Variants in SCAPER observed in about 807,000 individuals in gnomAD.
SCAPER encodes the protein S phase cyclin A-associated protein in the endoplasmic reticulum.
SCAPER carries 98 observed loss-of-function variants against 182.2 expected under a neutral mutation model. That is an observed-to-expected ratio of 0.54 (90% CI 0.46 to 0.64). The LOEUF is 0.64. Ranked by LOEUF, SCAPER falls within the 30% of genes least tolerant of loss-of-function variation. The pLI, the probability that SCAPER is intolerant of heterozygous loss-of-function variation, is 0.00. For missense variants in SCAPER, 1,432 were observed against 1,690.0 expected, an observed-to-expected ratio of 0.85 and a Z score of 2.68; for synonymous variants, 605 against 564.6, an observed-to-expected ratio of 1.07 and a Z score of -1.01.
chr15:76,468,896 T>G (rs1380663255), intron 25 of SCAPER, among the ~76,000 whole-genome samples: 1 of 152,130 alleles, frequency 6.6e-6, no homozygotes, highest in Non-Finnish European at 1.5e-5. Flanking sequence ...TTGCACTCTT[T>G]TCACCATCTG....
intron 26 of SCAPER, among the ~76,000 whole-genome samples, 155 bp from the exon 27 acceptor site, chr15:76,404,834 G>A (rs1187093539): frequency 6.6e-6 from 1 of 152,090 alleles, no homozygotes. Flanking sequence ...AATTTCCTTA[G>A]ATTTACTCCT....
chr15:76,510,018 G>A (rs2041894681), intron 23 of SCAPER, among the ~76,000 whole-genome samples: 1 of 152,168 alleles, frequency 6.6e-6, no homozygotes, highest in Non-Finnish European at 1.5e-5. Flanking sequence ...TAATTGGCAA[G>A]CCACATGTAG....
intron 21 of SCAPER, 40 bp downstream of exon 21, chr15:76,665,613 C>G: frequency 6.5e-7 from 1 of 1,541,678 alleles, no homozygotes; most frequent in Non-Finnish European, 8.7e-7. Flanking sequence ...AGATACATCA[C>G]TAAAAGTTTT....
intron 27 of SCAPER, among the ~76,000 whole-genome samples, chr15:76,386,465 C>A (rs1236467666): frequency 6.6e-6 from 1 of 152,128 alleles, no homozygotes; most frequent in Non-Finnish European, 1.5e-5. Flanking sequence ...ATAAAGCTTA[C>A]ATTTTAGTGC....
chr15:76,692,630 A>T (rs190683954), intron 20 of SCAPER, among the ~76,000 whole-genome samples: 1 of 148,080 alleles, frequency 6.8e-6, no homozygotes, highest in East Asian at 2.2e-4. Context: ...CAGAGGTTGC[A>T]GTGAGCCAAG....
chr15:76,499,037 A>G (rs1326550967), intron 24 of SCAPER, among the ~76,000 whole-genome samples: 1 of 152,174 alleles, frequency 6.6e-6, no homozygotes, highest in Non-Finnish European at 1.5e-5. Context: ...AAATGGGGCA[A>G]TCTTATACCT....
In SCAPER at chr15:76,476,612, T is replaced by TTTTC. The variant is rs1396313286; in HGVS notation, c.2955-5278_2955-5277insGAAA. On this transcript the variant is annotated intron_variant, in intron 24 of 31. Transcript: ENST00000563290. ...CCCAGCTAATTTTTTTTTTTTTTTTTTTTTTTTTTTTGTAGAGACAGAGTC... is the reference window on the plus strand; with the variant it reads ...CCCAGCTAATTTTTTTTTTTTTTTTTTTTCTTTTTTTTTTTGTAGAGACAGAGTC... Among the ~76,000 whole-genome samples, 43 of 134,700 alleles carry TTTTC rather than the reference T, an allele frequency of 3.2e-4. 1 individual carries two copies. The highest frequency in any genetic ancestry group is 5.3e-4 in the Admixed American group (7 of 13,160). The allele number at this position is 134,700 out of a possible 152,430, so 88.4% of individuals were successfully genotyped here.
chr15:76,451,882 T>C (rs2048388449), intron 25 of SCAPER, among the ~76,000 whole-genome samples: 1 of 152,254 alleles, frequency 6.6e-6, no homozygotes, highest in Non-Finnish European at 1.5e-5. Context: ...GAGGGCAGGC[T>C]GTGACTGCAT....
At chr15:76,571,106 C>T (rs542577199) in intron 23 of SCAPER, among the ~76,000 whole-genome samples, 4 of 152,248 alleles carry the variant, frequency 2.6e-5, no homozygotes, top group South Asian at 2.1e-4. Flanking sequence ...TCACCTTACA[C>T]GATGACACTT....
rs528150648 is a variant in SCAPER, at chr15:76,804,946, C to A, written c.394-313G>T. 8.5e-5 allele frequency among the ~76,000 whole-genome samples: 13 copies of A among 152,232 alleles called. No individual in the cohort carries two copies. The South Asian group carries it at 2.7e-3, about 32-fold the overall frequency. On this transcript the variant is annotated intron_variant, in intron 5 of 31. Coordinates refer to ENST00000563290, the MANE Select transcript of SCAPER (RefSeq NM_020843.4). ...TACACTAAACATAAATCCAGCTGCACACTTGTAGTCCCAGTCACTCCAGAG... is the reference window on the plus strand; with the variant it reads ...TACACTAAACATAAATCCAGCTGCAAACTTGTAGTCCCAGTCACTCCAGAG...
At chr15:76,870,241 A>T (rs1461970353) in intron 2 of SCAPER, among the ~76,000 whole-genome samples, 1 of 152,206 alleles carries the variant, frequency 6.6e-6, no homozygotes, top group Non-Finnish European at 1.5e-5. Flanking sequence ...ATAGCTAGAA[A>T]AGAATAATTT....
chr15:76,449,852 A>G (rs2048254558), intron 25 of SCAPER, among the ~76,000 whole-genome samples: 1 of 152,134 alleles, frequency 6.6e-6, no homozygotes, highest in South Asian at 2.1e-4. Context: ...GGAACAGCTG[A>G]TCTTTACTTT....
chr15:76,632,284 G>C (rs2053184304), intron 21 of SCAPER, among the ~76,000 whole-genome samples: 1 of 151,824 alleles, frequency 6.6e-6, no homozygotes, highest in Non-Finnish European at 1.5e-5. Context: ...CCACCTGCTG[G>C]GTTCAAACAA....
chr15:76,815,140 A>C (rs2151607608), intron 5 of SCAPER, among the ~76,000 whole-genome samples: 1 of 152,222 alleles, frequency 6.6e-6, no homozygotes, highest in Non-Finnish European at 1.5e-5. Flanking sequence ...TGTGAAGAAA[A>C]CCCTTGTACA....
intron 22 of SCAPER, among the ~76,000 whole-genome samples, chr15:76,600,196 A>G (rs1450840360): frequency 8.3e-6 from 1 of 120,696 alleles, no homozygotes; most frequent in Admixed American, 9.6e-5. Context: ...CTACAGAAAT[A>G]TCTATTATGA....
intron 24 of SCAPER, among the ~76,000 whole-genome samples, chr15:76,495,577 CAAAAAA>C (rs71444987): frequency 7.0e-5 from 4 of 56,956 alleles, no homozygotes; most frequent in Non-Finnish European, 1.2e-4. Flanking sequence ...GACTTGGTCT[CAAAAAA>C]AAAAAAAAAA....
chr15:76,699,989 A>C (rs1272929404), intron 20 of SCAPER, among the ~76,000 whole-genome samples: 1 of 152,166 alleles, frequency 6.6e-6, no homozygotes, highest in Non-Finnish European at 1.5e-5. Flanking sequence ...GCACGCCAGC[A>C]GGGGCCCATC....
At chr15:76,545,810 G>A (rs148646390) in intron 23 of SCAPER, among the ~76,000 whole-genome samples, 1 of 152,126 alleles carries the variant, frequency 6.6e-6, no homozygotes, top group East Asian at 1.9e-4. Context: ...CAGAAAAGAT[G>A]GAGCAACACA....
intron 22 of SCAPER, among the ~76,000 whole-genome samples, chr15:76,609,986 T>C (rs575387412): frequency 2.6e-5 from 4 of 152,148 alleles, no homozygotes; most frequent in African/African-American, 7.2e-5. Context: ...GGTTAGGCTC[T>C]GGTGAAATAG....
Sources: allele counts gnomAD v4.1 joint callset (sites outside exome capture counted in the v4.1 genomes callset), GRCh38; gene constraint gnomAD v4.1.1; transcripts MANE v1.5; gene names NCBI Gene and HGNC (gene_info 2026-07-23, HGNC 2026-07-21).